The following NLRP13 variants were observed in gnomAD, a reference collection of about 807,000 sequenced individuals.
NLRP13 encodes the protein NACHT, LRR and PYD domains-containing protein 13.
A neutral mutation model predicts 94.4 loss-of-function variants in NLRP13; 82 were observed. That is an observed-to-expected ratio of 0.87 (90% CI 0.73 to 1.04). The LOEUF (loss-of-function observed/expected upper bound fraction) is 1.04. Among genes scored for constraint, NLRP13 ranks in the 50% least tolerant of loss-of-function variants. The pLI is 0.00. For missense variants in NLRP13, 1,426 were observed against 1,230.8 expected, an observed-to-expected ratio of 1.16 and a Z score of -2.37; for synonymous variants, 553 against 464.7, an observed-to-expected ratio of 1.19 and a Z score of -2.45.
chr19:55,927,057 G>C (rs943568405), intron 1 of NLRP13, among the ~76,000 whole-genome samples: 12 of 151,908 alleles, frequency 7.9e-5, no homozygotes, highest in African/African-American at 2.7e-4. Flanking sequence ...ACCCAAAAGA[G>C]AGAATAGATT....
chr19:55,931,724 A>AGAAAGAAAGACAGAAAGAC (rs1568449426), intron 1 of NLRP13, among the ~76,000 whole-genome samples: 1 of 137,026 alleles, frequency 7.3e-6, no homozygotes, highest in Admixed American at 7.9e-5. Context: ...AAAAAAAAAA[A>AGAAAGAAAGACAGAAAGAC]AGAAAGAAAG....
chr19:55,918,444 G>C (rs995934455), intron 4 of NLRP13, among the ~76,000 whole-genome samples: 5 of 151,660 alleles, frequency 3.3e-5, no homozygotes, highest in African/African-American at 1.2e-4. Context: ...ACCAAAGCTT[G>C]GTTACTTTAA....
At chr19:55,929,131 G>A (rs1987041663) in intron 1 of NLRP13, among the ~76,000 whole-genome samples, 1 of 152,200 alleles carries the variant, frequency 6.6e-6, no homozygotes, top group Non-Finnish European at 1.5e-5. Flanking sequence ...GGAAACAGAT[G>A]CTGGAGAGGA....
At chr19:55,931,295 GGTT>G (rs1352872298) in intron 1 of NLRP13, among the ~76,000 whole-genome samples, 1 of 152,008 alleles carries the variant, frequency 6.6e-6, no homozygotes, top group Non-Finnish European at 1.5e-5. Flanking sequence ...GCAGGGCGGG[GGTT>G]GTTGTGGTTT....
chr19:55,902,776 GA>G (rs1986222955), intron 8 of NLRP13, among the ~76,000 whole-genome samples: 1 of 151,396 alleles, frequency 6.6e-6, no homozygotes, highest in South Asian at 2.1e-4. Context: ...TAAGTTTTAT[GA>G]AAATATATGT....
chr19:55,911,346 C>T (rs1836788), intron 5 of NLRP13, among the ~76,000 whole-genome samples: 79,222 of 151,982 alleles, frequency 0.52, 21,483 homozygotes, highest in African/African-American at 0.68. Flanking sequence ...ATCCTCCCAC[C>T]GCAGCCCCCC....
At chr19:55,923,786 G>C in intron 4 of NLRP13, 128 bp downstream of exon 4, 1 of 702,288 alleles carries the variant, frequency 1.4e-6, no homozygotes, top group Non-Finnish European at 2.5e-6. Context: ...CAGTTGGGAA[G>C]AGCTTTTAAT....
chr19:55,915,326 G>T (rs768303352), intron 4 of NLRP13, among the ~76,000 whole-genome samples: 5 of 152,064 alleles, frequency 3.3e-5, no homozygotes, highest in African/African-American at 9.7e-5. Flanking sequence ...AGCCATGTGC[G>T]GTGGCTCATG....
chr19:55,922,486 C>T (rs1488876894), intron 4 of NLRP13, among the ~76,000 whole-genome samples: 3 of 152,098 alleles, frequency 2.0e-5, no homozygotes, highest in Non-Finnish European at 4.4e-5. Context: ...CACCACCATG[C>T]CCGGCTAATT....
chr19:55,906,337 C>CAAAAAAAAAAA (rs71182931), intron 7 of NLRP13, among the ~76,000 whole-genome samples: 1,053 of 60,830 alleles, frequency 0.017, 137 homozygotes, highest in African/African-American at 0.038. Context: ...GACTCCATCT[C>CAAAAAAAAAAA]AAAAAAAAAA....
chr19:55,912,048 C>A lies in NLRP13; in HGVS notation c.1769G>T (p.Gly590Val). The change falls in exon 5 of 11, where the codon GGT becomes GTT. Residue 590 changes from glycine to valine, a missense_variant. Transcript: ENST00000342929. ...YWTPVVLFFF[G>V]LLNKNIAREL... ...TCTTGCTATGTTTTTATTTAAAAGACCAAAGAAGAACAGAACCACTGGAGT... is the reference window on the plus strand; with the variant it reads ...TCTTGCTATGTTTTTATTTAAAAGAACAAAGAAGAACAGAACCACTGGAGT... 6.2e-7 allele frequency: 1 copy of A among 1,614,156 alleles called. No homozygotes were observed. The highest frequency in any genetic ancestry group is 8.5e-7 in the Non-Finnish European group (1 of 1,180,028).
chr19:55,928,139 A>G (rs1244115883), intron 1 of NLRP13, among the ~76,000 whole-genome samples: 1 of 152,144 alleles, frequency 6.6e-6, no homozygotes, highest in Non-Finnish European at 1.5e-5. Context: ...TATCTTCCCC[A>G]TGACCCACGC....
chr19:55,915,302 A>C (rs1171006733), intron 4 of NLRP13, among the ~76,000 whole-genome samples: 1 of 152,170 alleles, frequency 6.6e-6, no homozygotes, highest in African/African-American at 2.4e-5. Context: ...CCAAAATTAC[A>C]AATAGGTAAT....
intron 1 of NLRP13, among the ~76,000 whole-genome samples, 169 bp downstream of exon 1, chr19:55,931,824 A>C (rs896259935): frequency 1.3e-5 from 2 of 151,710 alleles, no homozygotes; most frequent in Admixed American, 6.6e-5. Context: ...CTAGAGCACT[A>C]AATCTTTATA....
chr19:55,896,820 C>CAAAAAAAAA (rs3073244), intron 10 of NLRP13, among the ~76,000 whole-genome samples: 4 of 80,914 alleles, frequency 4.9e-5, no homozygotes, highest in Admixed American at 1.4e-4. Flanking sequence ...CTCCATCTCA[C>CAAAAAAAAA]AAAAAAAAAA....
At chr19:55,909,302 G>T (rs1986439082) in intron 6 of NLRP13, among the ~76,000 whole-genome samples, 1 of 152,140 alleles carries the variant, frequency 6.6e-6, no homozygotes, top group South Asian at 2.1e-4. Context: ...ATTAGCAGGG[G>T]ACCAATACGC....
chr19:55,930,898 A>ATATATATACAT, intron 1 of NLRP13, among the ~76,000 whole-genome samples: 2 of 104,878 alleles, frequency 1.9e-5, no homozygotes, highest in Non-Finnish European at 3.8e-5. Flanking sequence ...ATATATATAT[A>ATATATATACAT]AAATTTTAAC....
downstream of NLRP13, among the ~76,000 whole-genome samples, chr19:55,894,224 T>G (rs960505310): frequency 6.6e-6 from 1 of 151,920 alleles, no homozygotes; most frequent in Non-Finnish European, 1.5e-5. Context: ...AAAATTTTTG[T>G]AGAGACAGGA....
In NLRP13 at chr19:55,907,949, A is replaced by G. The variant is rs1399159233; in HGVS notation, c.2290T>C (p.Ser764Pro). Residue 764 changes from serine to proline, a missense_variant, in exon 7 of 11, where the codon TCG becomes CCG. Physicochemically the swap from Ser to Pro is moderately conservative, Grantham distance 74 (BLOSUM62 -1). Coordinates refer to ENST00000342929, the MANE Select transcript of NLRP13 (RefSeq NM_176810.2). Reference protein sequence around the residue: ...RCKVQKLTCKSVTPEWVLQDL... With the variant: ...RCKVQKLTCKPVTPEWVLQDL... Reference sequence around the variant, plus strand: ...TGCAGAACCCACTCAGGAGTTACCGATTTGCACCTGAGGAAGGGAAGGGAC... The same window carrying G: ...TGCAGAACCCACTCAGGAGTTACCGGTTTGCACCTGAGGAAGGGAAGGGAC... The G allele has an allele frequency of 2.5e-6, 4 of 1,594,958 alleles. No homozygotes were observed. The African/African-American group carries it at 5.4e-5, about 21-fold the overall frequency.
Sources: allele counts gnomAD v4.1 joint callset (sites outside exome capture counted in the v4.1 genomes callset), GRCh38; gene constraint gnomAD v4.1.1; transcripts MANE v1.5; gene names NCBI Gene and HGNC (gene_info 2026-07-23, HGNC 2026-07-21).